Variants in KIAA1210 observed in about 807,000 individuals in gnomAD.
KIAA1210 encodes the protein acrosomal protein KIAA1210.
A neutral mutation model predicts 78.9 loss-of-function variants in KIAA1210; 48 were observed. The ratio of observed to expected loss-of-function variants is 0.61; its 90% CI spans 0.48 to 0.77. The LOEUF is 0.77. Ranked by LOEUF, KIAA1210 falls within the 30% of genes least tolerant of loss-of-function variation. KIAA1210 has a pLI of 0.00. For synonymous variants in KIAA1210, 406 were observed against 404.5 expected, an observed-to-expected ratio of 1.00 and a Z score of -0.04; for missense variants, 1,108 against 1,100.0, an observed-to-expected ratio of 1.01 and a Z score of -0.10.
chrX:119,140,385 C>A (rs755983563), intron 2 of KIAA1210, among the ~76,000 whole-genome samples: 1 of 109,291 alleles, frequency 9.1e-6, no homozygotes, highest in South Asian at 4.1e-4. Flanking sequence ...AAAACTTAGC[C>A]GGGTGTGGTG....
intron 2 of KIAA1210, among the ~76,000 whole-genome samples, chrX:119,136,875 G>T (rs1928925688): frequency 9.0e-6 from 1 of 110,853 alleles, no homozygotes; most frequent in African/African-American, 3.3e-5. Flanking sequence ...TTATCCGAAG[G>T]TTCTCTAGCC....
intron 6 of KIAA1210, among the ~76,000 whole-genome samples, chrX:119,101,835 C>T (rs921307191): frequency 1.4e-3 from 155 of 111,876 alleles, no homozygotes; most frequent in African/African-American, 4.9e-3. Flanking sequence ...CTGAATATGA[C>T]ATCCTAGCTA....
intron 8 of KIAA1210, among the ~76,000 whole-genome samples, chrX:119,091,676 G>A (rs1473626343): frequency 9.0e-6 from 1 of 111,452 alleles, no homozygotes; most frequent in African/African-American, 3.3e-5. Context: ...CCCAGCATAC[G>A]GCGCTGAGAA....
At chrX:119,145,800 G>T (rs1929153640) in intron 2 of KIAA1210, among the ~76,000 whole-genome samples, 1 of 112,075 alleles carries the variant, frequency 8.9e-6, no homozygotes, top group South Asian at 3.8e-4. Flanking sequence ...AATTTGAATT[G>T]AATGGGCTGT....
Position 119,081,272 on chromosome X carries a change from A to G in KIAA1210, c.*57T>C. 1 of 878,062 alleles carries G rather than the reference A, an allele frequency of 1.1e-6. No homozygotes were observed. Among genetic ancestry groups the G allele is most frequent in the Non-Finnish European group, 1.5e-6 (1 of 664,526 alleles). 72.4% of individuals were successfully genotyped at this position (878,062 alleles called of 1,213,427 possible). ...ACAGAGCGAGACTCTGTCTCAAAAA[A>G]AAAAAAAAAAAAAAAAACTAAATAA... On this transcript the variant is annotated 3_prime_UTR_variant, in exon 12 of 12. Coordinates refer to ENST00000691062, the MANE Select transcript of KIAA1210 (RefSeq NM_001394962.1).
chrX:119,135,821 A>G (rs1404020173), intron 2 of KIAA1210, among the ~76,000 whole-genome samples: 1 of 112,023 alleles, frequency 8.9e-6, no homozygotes, highest in Non-Finnish European at 1.9e-5. Context: ...TGGGAGGCCG[A>G]GGCGGGCGGA....
At chrX:119,150,391 C>T (rs761708404) in exon 1 of KIAA1210, 2 of 1,211,158 alleles carry the variant, frequency 1.7e-6, no homozygotes, top group East Asian at 5.9e-5. Context: ...CAAGCTCCCC[C>T]TTGGTGCTTC....
chrX:119,085,333 T>C (rs1006414370), intron 10 of KIAA1210, 50 bp downstream of exon 10: 17 of 1,131,105 alleles, frequency 1.5e-5, no homozygotes, highest in Non-Finnish European at 2.0e-5. Context: ...ACCTAATCAG[T>C]GATTCCAGCA....
upstream of KIAA1210, chrX:119,150,678 C>A (rs1352997784): frequency 3.4e-6 from 3 of 887,060 alleles, no homozygotes; most frequent in Admixed American, 5.8e-5. Context: ...CCCACTCACA[C>A]GCACACGCAC....
intron 6 of KIAA1210, among the ~76,000 whole-genome samples, chrX:119,097,182 C>G (rs967098269): frequency 3.6e-5 from 4 of 111,486 alleles, no homozygotes; most frequent in African/African-American, 1.3e-4. Context: ...TTTTCATAGA[C>G]AGCACACTAC....
At position 119,089,468 on chromosome X, in the gene KIAA1210, A is replaced by T. The variant is rs1012366951; in HGVS notation, c.1234T>A (p.Ser412Thr). 2.5e-6 allele frequency: 3 copies of T among 1,210,212 alleles called. No individual in the cohort carries two copies. In the African/African-American group the frequency reaches 5.2e-5, roughly 21 times the overall value. The change falls in exon 9 of 12, where the codon TCC (serine) becomes ACC (threonine). Residue 412 changes from serine (S) to threonine (T), a missense_variant. Around this residue, in one of 5 missense-constraint regions of KIAA1210, gnomAD observed 672 missense variants for 607.1 expected, o/e 1.11. Transcript: ENST00000691062. ...TARNVPFSHLSLEKDNMEQPT... is the reference protein window; with the variant it reads ...TARNVPFSHLTLEKDNMEQPT... ...TGCTCCATGTTGTCCTTCTCTAAGGACAAGTGCGAGAAAGGGACATTCCTG... is the reference window on the plus strand; with the variant it reads ...TGCTCCATGTTGTCCTTCTCTAAGGTCAAGTGCGAGAAAGGGACATTCCTG...
In KIAA1210 at chrX:119,109,177, C is replaced by T. The variant is rs367618169; in HGVS notation, c.256G>A (p.Ala86Thr). ...ARAKSSMGSK[A>T]LSHDSIFMLG... ...ATGAAGATGCTATCATGGGATAGGG[C>T]TTTGCTCCCCATGCTGCTCTTGGCC... Residue 86 changes from alanine to threonine, a missense_variant, in exon 4 of 12, where the codon GCC becomes ACC. By Grantham distance (58) the Ala-to-Thr change is moderately conservative (BLOSUM62 0). Coordinates refer to ENST00000691062, the MANE Select transcript of KIAA1210 (RefSeq NM_001394962.1). The T allele has an allele frequency of 1.2e-5, 15 of 1,202,590 alleles. No individual in the cohort carries two copies. Among genetic ancestry groups the T allele is most frequent in the Admixed American group, 2.2e-5 (1 of 44,965 alleles).
intron 2 of KIAA1210, among the ~76,000 whole-genome samples, chrX:119,117,048 T>C (rs1054942403): frequency 4.4e-5 from 5 of 112,363 alleles, no homozygotes; most frequent in South Asian, 3.7e-4. Context: ...AAGCACTTAG[T>C]ACTCCCCTGA....
chrX:119,089,229 A>G lies in KIAA1210; in HGVS notation c.1473T>C (p.Ala491=). ...GGCTTTCCACCATCAGTGAGAGAGAAGCTCTGGCTTCTGTCTTCTCAGCTC... is the reference window on the plus strand; with the variant it reads ...GGCTTTCCACCATCAGTGAGAGAGAGGCTCTGGCTTCTGTCTTCTCAGCTC... The part of the protein sequence containing the change: ...ASGAEKTEAR[A]SLSLMVESLS... Residue 491 remains alanine (A), a synonymous_variant, in exon 9 of 12, where the codon GCT becomes GCC. Coordinates refer to ENST00000691062, the MANE Select transcript of KIAA1210 (RefSeq NM_001394962.1). 8.3e-7 allele frequency: 1 copy of G among 1,211,425 alleles called. No homozygotes were observed. Among genetic ancestry groups the G allele is most frequent in the Non-Finnish European group, 1.1e-6 (1 of 895,315 alleles).
At chrX:119,150,951 G>A (rs1490667987), upstream of KIAA1210, among the ~76,000 whole-genome samples, 3 of 112,508 alleles carry the variant, frequency 2.7e-5, no homozygotes, top group African/African-American at 9.7e-5. Flanking sequence ...AAATCTTGAG[G>A]CAAGCATGAA....
At chrX:119,083,182 T>C (rs1927021185) in intron 10 of KIAA1210, 62 bp from the exon 11 acceptor site, 1 of 874,372 alleles carries the variant, frequency 1.1e-6, no homozygotes, top group Admixed American at 2.4e-5. Context: ...GCAGATTGCT[T>C]ATTCAGAGGA....
intron 6 of KIAA1210, among the ~76,000 whole-genome samples, chrX:119,103,029 C>T (rs184964555): frequency 8.9e-6 from 1 of 111,819 alleles, no homozygotes; most frequent in East Asian, 2.8e-4. Context: ...AAAATGCAAC[C>T]ATTTGTCTCT....
In KIAA1210 at chrX:119,150,418, G is replaced by T. The variant is rs1402783254; in HGVS notation, c.162C>A (p.Tyr54Ter). 8.3e-7 allele frequency: 1 copy of T among 1,209,942 alleles called. No individual in the cohort carries two copies. Among genetic ancestry groups the T allele is most frequent in the African/African-American group, 1.7e-5 (1 of 57,225 alleles). The change falls in exon 1 of 14, where the codon TAC (tyrosine) becomes TAA (stop). Residue 54 changes from tyrosine to a stop codon, truncating the protein, a stop_gained. Coordinates refer to the KIAA1210 transcript ENST00000402510. LOFTEE classifies it high-confidence loss of function. Reference sequence around the variant, plus strand: ...TGGTGCTTCCCTCCTTCTTGCCTTTGTAAGTCAACCAAAGACAACTGCAAC... The same window carrying T: ...TGGTGCTTCCCTCCTTCTTGCCTTTTTAAGTCAACCAAAGACAACTGCAAC...
chrX:119,098,690 C>T (rs781640603), intron 6 of KIAA1210, among the ~76,000 whole-genome samples: 1 of 110,506 alleles, frequency 9.0e-6, no homozygotes, highest in East Asian at 2.8e-4. Flanking sequence ...ACTTCATATC[C>T]CCTTCCTTAC....
Sources: gnomAD v4.1 joint callset for allele counts (sites outside exome capture counted in the v4.1 genomes callset) on GRCh38, gnomAD v4.1.1 for gene constraint, gnomAD v4.1.1 regional missense constraint, MANE v1.5 for transcripts, NCBI Gene and HGNC (gene_info 2026-07-23, HGNC 2026-07-21) for gene names.